Variants in MINDY3 observed in about 807,000 individuals in gnomAD.
MINDY3 encodes the protein ubiquitin carboxyl-terminal hydrolase MINDY-3.
MINDY3 carries 38 observed loss-of-function variants against 69.2 expected under a neutral mutation model. The ratio of observed to expected loss-of-function variants is 0.55; its 90% CI spans 0.42 to 0.72. MINDY3 has a LOEUF of 0.72. Among genes scored for constraint, MINDY3 ranks in the 30% least tolerant of loss-of-function variants. The probability of loss-of-function intolerance (pLI) is 0.00; values close to 1 mark genes in which losing one functional copy is unlikely to be tolerated. For missense variants in MINDY3, 522 were observed against 519.0 expected, an observed-to-expected ratio of 1.01 and a Z score of -0.06; for synonymous variants, 192 against 180.1, an observed-to-expected ratio of 1.07 and a Z score of -0.53.
intron 10 of MINDY3, among the ~76,000 whole-genome samples, chr10:15,814,028 T>C (rs901886363): frequency 2.0e-5 from 3 of 149,314 alleles, no homozygotes; most frequent in Admixed American, 6.7e-5. Flanking sequence ...CAGCCAAAAC[T>C]GCTTGCTCAA....
chr10:15,853,325 A>G (rs1834441792), intron 1 of MINDY3, among the ~76,000 whole-genome samples: 2 of 152,092 alleles, frequency 1.3e-5, no homozygotes, highest in Non-Finnish European at 2.9e-5. Flanking sequence ...CAGGGGGCCC[A>G]CTGGAAGTTA....
chr10:15,833,749 G>C (rs747850230), intron 7 of MINDY3, 40 bp from the exon 8 acceptor site: 1 of 1,273,798 alleles, frequency 7.9e-7, no homozygotes, highest in South Asian at 1.2e-5. Flanking sequence ...TATGAATATA[G>C]TTGCCAAATC....
intron 10 of MINDY3, among the ~76,000 whole-genome samples, chr10:15,800,209 A>G (rs1838161329): frequency 6.7e-6 from 1 of 149,908 alleles, no homozygotes; most frequent in East Asian, 1.9e-4. Flanking sequence ...CATAAAATAT[A>G]TGTAGATACT....
chr10:15,799,121 G>C (rs966774432), intron 10 of MINDY3, among the ~76,000 whole-genome samples: 2 of 152,072 alleles, frequency 1.3e-5, no homozygotes, highest in Non-Finnish European at 2.9e-5. Context: ...AGCAGGTGGT[G>C]ACTTTATTTG....
chr10:15,858,415 G>A (rs1834846717), intron 1 of MINDY3, among the ~76,000 whole-genome samples: 1 of 152,098 alleles, frequency 6.6e-6, no homozygotes, highest in Non-Finnish European at 1.5e-5. Flanking sequence ...TAATTGTCAG[G>A]AAAAAGCCAA....
rs149864164 is a variant in MINDY3 at position 15,798,204 on chromosome 10, G to A, written c.883-2032C>T. The stretch of plus-strand genomic sequence containing the variant: ...TATGATCTAAACAGAAGAAAAGGGA[G>A]TATCAGGTTACTTTTTTCTGGGTTA... On this transcript the variant is annotated intron_variant, in intron 10 of 14. Transcript: ENST00000277632. 1.8e-4 allele frequency among the ~76,000 whole-genome samples: 28 copies of A among 152,266 alleles called. No individual in the cohort carries two copies. In the East Asian group the frequency reaches 4.4e-3, roughly 24 times the overall value.
At chr10:15,788,085 A>C (rs1041588724) in intron 12 of MINDY3, among the ~76,000 whole-genome samples, 1 of 152,036 alleles carries the variant, frequency 6.6e-6, no homozygotes, top group Non-Finnish European at 1.5e-5. Flanking sequence ...AAAAAAAAAA[A>C]CTTTCTTCTT....
At position 15,815,323 on chromosome 10, in the gene MINDY3, G is replaced by A. The variant is rs140087844; in HGVS notation, c.882+1512C>T. Among the ~76,000 whole-genome samples the A allele has an allele frequency of 3.9e-3, 588 of 152,240 alleles. 4 individuals carry two copies. The highest frequency in any genetic ancestry group is 0.014 in the African/African-American group (563 of 41,538). On this transcript the variant is annotated intron_variant, in intron 10 of 14. Coordinates refer to ENST00000277632, the MANE Select transcript of MINDY3 (RefSeq NM_024948.4). ...TTAGCATTTAATTTTAAAGCTTTCC[G>A]TGCTTGAGAAAAGGCAATTATGTAT...
In MINDY3 at chr10:15,834,686, C is replaced by G. The variant is rs1324161223; in HGVS notation, c.577-70G>C. 4.2e-6 allele frequency: 4 copies of G among 961,314 alleles called. No homozygotes were observed. The African/African-American group carries it at 6.5e-5, about 16-fold the overall frequency. The allele number at this position is 961,314 out of a possible 1,614,324, so 59.5% of individuals were successfully genotyped here. A position where few individuals can be genotyped will look rare whatever the true frequency, so the allele number is the denominator to read the frequency against. On this transcript the variant is annotated intron_variant, in intron 6 of 14. Transcript: ENST00000277632. The stretch of plus-strand genomic sequence containing the variant: ...AAAATTATGACTGTTTAAAAACTGA[C>G]TAGTTTACACTATAAACTAATACAA...
At chr10:15,817,126 G>C in intron 9 of MINDY3, 1 of 483,134 alleles carries the variant, frequency 2.1e-6, no homozygotes, top group Non-Finnish European at 3.6e-6. Context: ...ATTGTGCTTT[G>C]ACATTAAAAC....
chr10:15,856,957 A>C (rs1834733060), intron 1 of MINDY3, among the ~76,000 whole-genome samples: 1 of 152,024 alleles, frequency 6.6e-6, no homozygotes, highest in Non-Finnish European at 1.5e-5. Flanking sequence ...AATCCACTAC[A>C]GTCTATCCTC....
chr10:15,837,965 A>AT (rs1025455309), intron 5 of MINDY3: 25 of 960,908 alleles, frequency 2.6e-5, no homozygotes, highest in Non-Finnish European at 3.1e-5. Context: ...AGCTAAAATG[A>AT]TTTTTTTTCA....
Position 15,826,789 on chromosome 10 carries a change from T to C in MINDY3, c.731-5063A>G, listed in dbSNP as rs1840112061. 2.6e-5 allele frequency among the ~76,000 whole-genome samples: 4 copies of C among 152,156 alleles called. 1 individual carries two copies. In the South Asian group the frequency reaches 6.2e-4, roughly 24 times the overall value. The stretch of plus-strand genomic sequence containing the variant: ...TGTTCAACAAAAAACGTATTTCCTA[T>C]CTGTGGAGAACTGACTGGAATTAGG... On this transcript the variant is annotated intron_variant, in intron 8 of 14. Coordinates refer to ENST00000277632, the MANE Select transcript of MINDY3 (RefSeq NM_024948.4).
intron 14 of MINDY3, among the ~76,000 whole-genome samples, chr10:15,779,445 C>A (rs769768703): frequency 6.6e-6 from 1 of 152,062 alleles, no homozygotes; most frequent in Non-Finnish European, 1.5e-5. Context: ...CGGATCTATA[C>A]CATCGGAAAG....
At chr10:15,801,679 C>G (rs746870713) in intron 10 of MINDY3, among the ~76,000 whole-genome samples, 8 of 151,882 alleles carry the variant, frequency 5.3e-5, no homozygotes, top group African/African-American at 1.7e-4. Flanking sequence ...TAAAGAGAAC[C>G]GCAACAGCAA....
At chr10:15,830,699 A>G (rs1290160374) in intron 8 of MINDY3, among the ~76,000 whole-genome samples, 3 of 152,350 alleles carry the variant, frequency 2.0e-5, no homozygotes, top group African/African-American at 7.2e-5. Context: ...TGAGCCATGC[A>G]GTGTGCCACC....
rs115861857 is a variant in MINDY3, at chr10:15,836,495, C to T, written c.576+709G>A. Among the ~76,000 whole-genome samples, 468 of 151,898 alleles carry T rather than the reference C, an allele frequency of 3.1e-3. 3 individuals carry two copies. Among genetic ancestry groups the T allele is most frequent in the African/African-American group, 0.011 (452 of 41,456 alleles). On this transcript the variant is annotated intron_variant, in intron 6 of 14. Coordinates refer to ENST00000277632, the MANE Select transcript of MINDY3 (RefSeq NM_024948.4). Reference sequence around the variant, plus strand: ...TAGTCCCTAGCATAGAGTCAATCAACGCTCAAAAAACATTTGTCAAATAAA... The same window carrying T: ...TAGTCCCTAGCATAGAGTCAATCAATGCTCAAAAAACATTTGTCAAATAAA...
At chr10:15,805,540 T>C (rs1650126114) in intron 10 of MINDY3, among the ~76,000 whole-genome samples, 1 of 152,142 alleles carries the variant, frequency 6.6e-6, no homozygotes, top group African/African-American at 2.4e-5. Flanking sequence ...GTAGATAATA[T>C]TATTGTTCCC....
intron 10 of MINDY3, among the ~76,000 whole-genome samples, chr10:15,801,062 C>T (rs4266971): frequency 0.12 from 18,421 of 152,184 alleles, 2,566 homozygotes; most frequent in African/African-American, 0.34. Flanking sequence ...GGAGAAGCAG[C>T]TTCTGCTAAC....
Sources: allele counts gnomAD v4.1 joint callset (sites outside exome capture counted in the v4.1 genomes callset), GRCh38; gene constraint gnomAD v4.1.1; transcripts MANE v1.5; gene names NCBI Gene and HGNC (gene_info 2026-07-23, HGNC 2026-07-21).